The following PPP3CA variants were observed in gnomAD, a reference collection of about 807,000 sequenced individuals.
The protein encoded by PPP3CA is CAM-PRP catalytic subunit.
A neutral mutation model predicts 66.5 loss-of-function variants in PPP3CA; 14 were observed. That is an observed-to-expected ratio of 0.21 (90% CI 0.14 to 0.33). The LOEUF is 0.33. Ranked by LOEUF, PPP3CA falls within the 10% of genes least tolerant of loss-of-function variation. The pLI is 1.00. For synonymous variants in PPP3CA, 232 were observed against 226.2 expected (o/e 1.03, Z -0.23); for missense variants, 317 against 639.5 (o/e 0.50, Z 5.44).
intron 3 of PPP3CA, among the ~76,000 whole-genome samples, chr4:101,101,644 T>C (rs1403016932): frequency 6.6e-6 from 1 of 152,070 alleles, no homozygotes; most frequent in South Asian, 2.1e-4. Flanking sequence ...GTTTTTTTTT[T>C]CTTTAAGAGA....
At chr4:101,300,212 A>C (rs918935620) in intron 1 of PPP3CA, among the ~76,000 whole-genome samples, 1 of 152,238 alleles carries the variant, frequency 6.6e-6, no homozygotes, top group African/African-American at 2.4e-5. Context: ...CAAATTAGTA[A>C]GGTTAATGTC....
chr4:101,098,285 T>C (rs1730288202), intron 5 of PPP3CA, 82 bp downstream of exon 5: 11 of 1,379,440 alleles, frequency 8.0e-6, no homozygotes, highest in Non-Finnish European at 7.7e-6. Context: ...ATAAAGTCAG[T>C]GATAAAGGCA....
chr4:101,209,262 A>G (rs966250532), intron 1 of PPP3CA, among the ~76,000 whole-genome samples: 1 of 152,256 alleles, frequency 6.6e-6, no homozygotes, highest in Non-Finnish European at 1.5e-5. Flanking sequence ...TCAACTAACC[A>G]AACTGCCAAG....
chr4:101,055,868 T>C (rs34370931), intron 10 of PPP3CA, among the ~76,000 whole-genome samples: 1 of 151,896 alleles, frequency 6.6e-6, no homozygotes, highest in African/African-American at 2.4e-5. Context: ...TTATATATTG[T>C]TATATTTATA....
chr4:101,060,241 C>T (rs550762152), intron 10 of PPP3CA, among the ~76,000 whole-genome samples: 63 of 152,144 alleles, frequency 4.1e-4, no homozygotes, highest in African/African-American at 1.4e-3. Flanking sequence ...TCATGCACCA[C>T]CACACATGGC....
chr4:101,271,500 T>G (rs902113047), intron 1 of PPP3CA, among the ~76,000 whole-genome samples: 2 of 152,146 alleles, frequency 1.3e-5, no homozygotes, highest in Non-Finnish European at 2.9e-5. Context: ...CATTAGGAAT[T>G]GCTTTCACAT....
chr4:101,161,896 T>C lies in PPP3CA; in HGVS notation c.259+34020A>G, dbSNP rs183768727. On this transcript the variant is annotated intron_variant, in intron 2 of 13. Coordinates refer to ENST00000394854, the MANE Select transcript of PPP3CA (RefSeq NM_000944.5). The stretch of plus-strand genomic sequence containing the variant: ...CAGGCAGACATTTGACTTGGCTATA[T>C]ATACATTCTATAGAAAAATTTTACC... Among the ~76,000 whole-genome samples, 34 of 152,212 alleles carry C rather than the reference T, an allele frequency of 2.2e-4. No individual in the cohort carries two copies. The East Asian group carries it at 4.3e-3, about 19-fold the overall frequency.
chr4:101,139,113 G>C (rs1722715235), intron 2 of PPP3CA, among the ~76,000 whole-genome samples: 1 of 152,072 alleles, frequency 6.6e-6, no homozygotes, highest in Non-Finnish European at 1.5e-5. Flanking sequence ...GGGAAGCTGA[G>C]GCAGGTGGAT....
intron 2 of PPP3CA, among the ~76,000 whole-genome samples, chr4:101,143,232 G>A (rs946943640): frequency 6.6e-6 from 1 of 152,036 alleles, no homozygotes; most frequent in East Asian, 1.9e-4. Context: ...CCTACCTAAA[G>A]CTAATCAGTC....
At chr4:101,103,541 CTTG>C (rs1374447947) in intron 3 of PPP3CA, among the ~76,000 whole-genome samples, 1 of 152,198 alleles carries the variant, frequency 6.6e-6, no homozygotes, top group Non-Finnish European at 1.5e-5. Flanking sequence ...CCTAACATCT[CTTG>C]TTGTGCCACT....
chr4:101,084,586 T>C (rs1306476868), intron 6 of PPP3CA, among the ~76,000 whole-genome samples: 4 of 150,060 alleles, frequency 2.7e-5, no homozygotes, highest in Admixed American at 6.7e-5. Context: ...GAGGTTGCAG[T>C]GAGTCGAGAA....
chr4:101,026,073 A>G lies in PPP3CA; in HGVS notation c.1370-12T>C. 2 of 1,572,922 alleles carry G rather than the reference A, an allele frequency of 1.3e-6. No homozygotes were observed. Among genetic ancestry groups the G allele is most frequent in the Non-Finnish European group, 1.7e-6 (2 of 1,160,316 alleles). ...AAATCCTTTGATAGCTAAACAGAAA[A>G]TCATTAAAAAAAGAAAACCAGGATT... On this transcript the variant is annotated splice_polypyrimidine_tract_variant and intron_variant, in intron 13 of 13. Transcript: ENST00000394854.
chr4:101,143,638 A>G (rs1055098613), intron 2 of PPP3CA, among the ~76,000 whole-genome samples: 1 of 152,010 alleles, frequency 6.6e-6, no homozygotes, highest in Non-Finnish European at 1.5e-5. Flanking sequence ...CCACTAGACT[A>G]TTGTTCTTTC....
At chr4:101,191,576 C>T (rs2110186093) in intron 2 of PPP3CA, among the ~76,000 whole-genome samples, 1 of 152,184 alleles carries the variant, frequency 6.6e-6, no homozygotes, top group South Asian at 2.1e-4. Context: ...GCAAAATGCC[C>T]CAGACAAAAT....
chr4:101,080,455 AC>A, intron 8 of PPP3CA, 76 bp downstream of exon 8: 1 of 788,258 alleles, frequency 1.3e-6, no homozygotes, highest in Non-Finnish European at 1.8e-6. Flanking sequence ...AATACTTAAG[AC>A]CAAACCAAAA....
At position 101,186,332 on chromosome 4, in the gene PPP3CA, T is replaced by C. The variant is rs113716185; in HGVS notation, c.259+9584A>G. Among the ~76,000 whole-genome samples, 188 of 152,294 alleles carry C rather than the reference T, an allele frequency of 1.2e-3. 2 individuals carry two copies. The highest frequency in any genetic ancestry group is 4.2e-3 in the African/African-American group (174 of 41,564). ...TTAAATGTCAGAAAGCAATCTAAAGTTGCATATTATTTGGGAAATGTAAAA... is the reference window on the plus strand; with the variant it reads ...TTAAATGTCAGAAAGCAATCTAAAGCTGCATATTATTTGGGAAATGTAAAA... On this transcript the variant is annotated intron_variant, in intron 2 of 13. Coordinates refer to ENST00000394854, the MANE Select transcript of PPP3CA (RefSeq NM_000944.5).
At chr4:101,316,489 G>T (rs1401744121) in intron 1 of PPP3CA, among the ~76,000 whole-genome samples, 2 of 152,062 alleles carry the variant, frequency 1.3e-5, no homozygotes, top group Non-Finnish European at 2.9e-5. Flanking sequence ...ACTCGGGTGG[G>T]ATTTGTTTTA....
chr4:101,204,102 C>T (rs1046959746), intron 1 of PPP3CA, among the ~76,000 whole-genome samples: 2 of 152,042 alleles, frequency 1.3e-5, no homozygotes, highest in African/African-American at 4.8e-5. Context: ...ACCTCCTGAG[C>T]TCAACCAATC....
chr4:101,196,859 T>C (rs1724810766), intron 1 of PPP3CA, among the ~76,000 whole-genome samples: 1 of 152,218 alleles, frequency 6.6e-6, no homozygotes, highest in African/African-American at 2.4e-5. Context: ...AGAAGCTCTC[T>C]TGTAGCTAAT....
Sources: gnomAD v4.1 joint callset for allele counts (sites outside exome capture counted in the v4.1 genomes callset) on GRCh38, gnomAD v4.1.1 for gene constraint, MANE v1.5 for transcripts, NCBI Gene and HGNC (gene_info 2026-07-23, HGNC 2026-07-21) for gene names.